Variants in AP1S3 observed in about 807,000 individuals in gnomAD.
AP1S3 encodes the protein adaptor related protein complex 1 subunit sigma 3.
In AP1S3, 10 loss-of-function variants were observed where a neutral mutation model predicts 20.9. That is an observed-to-expected ratio of 0.48 (90% CI 0.29 to 0.81). AP1S3 has a LOEUF of 0.81. AP1S3 is among the 30% of genes least tolerant of loss of function. The pLI is 0.08. For synonymous variants in AP1S3, 41 were observed against 61.5 expected, an observed-to-expected ratio of 0.67 and a Z score of 1.56; for missense variants, 154 against 183.8, an observed-to-expected ratio of 0.84 and a Z score of 0.94.
In AP1S3 at chr2:223,758,655, G is replaced by A; in HGVS notation, c.*60C>T. ...GGCTCCATCAAAAAACCGGATGGGA[G>A]GCGTTGCTTATTTACAGCTTCATAA... On this transcript the variant is annotated 3_prime_UTR_variant, in exon 5 of 5. Coordinates refer to ENST00000396654, the MANE Select transcript of AP1S3 (RefSeq NM_001039569.2). 4.0e-6 allele frequency: 6 copies of A among 1,500,470 alleles called. No individual in the cohort carries two copies. The highest frequency in any genetic ancestry group is 1.5e-5 in the South Asian group (1 of 68,278). 92.9% of individuals were successfully genotyped at this position (1,500,470 alleles called of 1,614,324 possible). A position where few individuals can be genotyped will look rare whatever the true frequency, so the allele number is the denominator to read the frequency against.
intron 1 of AP1S3, among the ~76,000 whole-genome samples, chr2:223,802,944 G>T (rs1382698773): frequency 6.6e-6 from 1 of 152,164 alleles, no homozygotes; most frequent in Non-Finnish European, 1.5e-5. Context: ...AAGTAAGATT[G>T]TTTTTCCATT....
chr2:223,758,504 A>G lies in AP1S3; in HGVS notation c.*211T>C, dbSNP rs1690277607. 9.7e-6 allele frequency: 12 copies of G among 1,236,160 alleles called. No homozygotes were observed. Among genetic ancestry groups the G allele is most frequent in the Non-Finnish European group, 1.2e-5 (12 of 989,680 alleles). The allele number at this position is 1,236,160 out of a possible 1,614,324, so 76.6% of individuals were successfully genotyped here. Reference sequence around the variant, plus strand: ...CATTTAGAGCTACAAGTACCTATACAGTATAACACAGACACATAATTTTTT... The same window carrying G: ...CATTTAGAGCTACAAGTACCTATACGGTATAACACAGACACATAATTTTTT... On this transcript the variant is annotated 3_prime_UTR_variant, in exon 5 of 5. Transcript: ENST00000396654.
chr2:223,836,632 C>G (rs950297718), intron 1 of AP1S3, among the ~76,000 whole-genome samples: 1 of 152,106 alleles, frequency 6.6e-6, no homozygotes, highest in African/African-American at 2.4e-5. Flanking sequence ...CCCCGTTACT[C>G]GGGAGGCTGA....
At chr2:223,815,334 C>CTAA (rs1691820081) in intron 1 of AP1S3, among the ~76,000 whole-genome samples, 2 of 152,138 alleles carry the variant, frequency 1.3e-5, no homozygotes, top group South Asian at 4.1e-4. Flanking sequence ...TTTGAAGGAG[C>CTAA]TAATGCTGGC....
intron 1 of AP1S3, among the ~76,000 whole-genome samples, chr2:223,790,618 G>A (rs944688844): frequency 4.6e-5 from 7 of 151,986 alleles, no homozygotes; most frequent in Admixed American, 4.6e-4. Flanking sequence ...TGGCCTGTAG[G>A]TAGAGTAATA....
chr2:223,836,475 C>T (rs1692396414), intron 1 of AP1S3, among the ~76,000 whole-genome samples: 1 of 152,206 alleles, frequency 6.6e-6, no homozygotes, highest in African/African-American at 2.4e-5. Flanking sequence ...TGCAGTGGCT[C>T]ACCCCTGTAA....
rs1322851117 is a variant in AP1S3, at chr2:223,809,474, G to A, written c.3+27974C>T. ...AGCCTGACCAATATGGTGAAACCCC[G>A]TCTCTACTAAAAATACAAAAGTTAG... On this transcript the variant is annotated intron_variant, in intron 1 of 4. Transcript: ENST00000396654. Among the ~76,000 whole-genome samples, 7 of 151,806 alleles carry A rather than the reference G, an allele frequency of 4.6e-5. No homozygotes were observed. In the South Asian group the frequency reaches 6.2e-4, roughly 14 times the overall value.
intron 1 of AP1S3, among the ~76,000 whole-genome samples, chr2:223,779,203 G>A (rs2106091983): frequency 6.6e-6 from 1 of 152,292 alleles, no homozygotes; most frequent in East Asian, 1.9e-4. Flanking sequence ...AATTTTAAAA[G>A]ATTTAAATAA....
intron 4 of AP1S3, among the ~76,000 whole-genome samples, chr2:223,764,485 G>A (rs185178482): frequency 5.3e-5 from 8 of 152,138 alleles, no homozygotes; most frequent in Non-Finnish European, 5.9e-5. Flanking sequence ...AAATCTGTGC[G>A]GCTTCTAAAA....
intron 1 of AP1S3, among the ~76,000 whole-genome samples, chr2:223,787,265 T>C (rs905842279): frequency 6.6e-6 from 1 of 152,200 alleles, no homozygotes; most frequent in Admixed American, 6.5e-5. Flanking sequence ...TTCAGAACCA[T>C]GGGCCAATTA....
intron 1 of AP1S3, among the ~76,000 whole-genome samples, chr2:223,824,491 CTT>C (rs1441765317): frequency 6.6e-6 from 1 of 152,128 alleles, no homozygotes; most frequent in East Asian, 1.9e-4. Flanking sequence ...CACCGCCTGA[CTT>C]TGGATAAGCC....
chr2:223,769,836 C>G (rs1225788627), intron 3 of AP1S3, among the ~76,000 whole-genome samples: 1 of 148,846 alleles, frequency 6.7e-6, no homozygotes, highest in Non-Finnish European at 1.5e-5. Flanking sequence ...CTCCGCCCCC[C>G]GGGGTTCACG....
intron 4 of AP1S3, 62 bp from the exon 5 acceptor site, chr2:223,758,812 G>A: frequency 7.3e-7 from 1 of 1,376,300 alleles, no homozygotes; most frequent in East Asian, 2.3e-5. Context: ...CGCAGACTGT[G>A]AAATCTTCTG....
chr2:223,816,798 G>T lies in AP1S3; in HGVS notation c.3+20650C>A, dbSNP rs561592144. ...CAACATACTACAGACTGCTTATAAA[G>T]ATGACAGACAATCCCCCATAACTTG... On this transcript the variant is annotated intron_variant, in intron 1 of 4. Transcript: ENST00000396654. Among the ~76,000 whole-genome samples the T allele has an allele frequency of 5.9e-5, 9 of 152,290 alleles. No individual in the cohort carries two copies. In the South Asian group the frequency reaches 1.9e-3, roughly 32 times the overall value.
chr2:223,821,648 C>T (rs1393960521), intron 1 of AP1S3, among the ~76,000 whole-genome samples: 14 of 152,134 alleles, frequency 9.2e-5, no homozygotes. Flanking sequence ...AATGCAGCCA[C>T]GTGCCCCCTA....
intron 1 of AP1S3, among the ~76,000 whole-genome samples, chr2:223,791,044 C>G (rs1691205590): frequency 6.6e-6 from 1 of 152,138 alleles, no homozygotes; most frequent in Admixed American, 6.6e-5. Flanking sequence ...AACAACCTAC[C>G]AACCAAGAAA....
chr2:223,833,924 T>A (rs1379073940), intron 1 of AP1S3, among the ~76,000 whole-genome samples: 3 of 147,262 alleles, frequency 2.0e-5, no homozygotes, highest in Non-Finnish European at 3.0e-5. Context: ...ATTTATTTAT[T>A]TGAGATGGAG....
chr2:223,765,286 A>G lies in AP1S3; in HGVS notation c.356T>C (p.Ile119Thr), dbSNP rs1233994069. The G allele has an allele frequency of 1.2e-6, 2 of 1,613,936 alleles. No individual in the cohort carries two copies. Among genetic ancestry groups the G allele is most frequent in the Admixed American group, 1.7e-5 (1 of 59,994 alleles). ...KAYFILDEFI[I>T]GGEIQETSKK... is the part of the protein sequence containing the mutation. Reference sequence around the variant, plus strand: ...GGATGTTTCCTGAATTTCCCCACCTATTATAAACTCGTCCAGGATGAAATA... The same window carrying G: ...GGATGTTTCCTGAATTTCCCCACCTGTTATAAACTCGTCCAGGATGAAATA... The change falls in exon 4 of 5, where the codon ATA becomes ACA. Residue 119 changes from isoleucine (I) to threonine (T), a missense_variant. Coordinates refer to ENST00000396654, the MANE Select transcript of AP1S3 (RefSeq NM_001039569.2).
chr2:223,837,241 G>C (rs1004047466), intron 1 of AP1S3, among the ~76,000 whole-genome samples: 1 of 151,500 alleles, frequency 6.6e-6, no homozygotes, highest in African/African-American at 2.4e-5. Flanking sequence ...GCGGCGCCGC[G>C]TTGCCGCAGG....
Sources: gnomAD v4.1 joint callset for allele counts (sites outside exome capture counted in the v4.1 genomes callset) on GRCh38, gnomAD v4.1.1 for gene constraint, MANE v1.5 for transcripts, NCBI Gene and HGNC (gene_info 2026-07-23, HGNC 2026-07-21) for gene names.